The following PRKN variants were observed in gnomAD, a reference collection of about 807,000 sequenced individuals.
PRKN encodes parkin RBR E3 ubiquitin protein ligase.
Under a neutral mutation model 59.5 loss-of-function variants are expected in PRKN, and 56 were observed. That is an observed-to-expected ratio of 0.94 (90% CI 0.76 to 1.18). PRKN has a LOEUF of 1.18. Ranked by LOEUF, PRKN falls within the 50% of genes most tolerant of loss-of-function variation. The probability of loss-of-function intolerance (pLI) is 0.00; values close to 1 mark genes in which losing one functional copy is unlikely to be tolerated. For missense variants in PRKN, 657 were observed against 596.4 expected (o/e 1.10, Z -1.06); for synonymous variants, 250 against 222.1 (o/e 1.13, Z -1.12).
chr6:162,626,829 A>AC (rs1484719980), intron 1 of PRKN, among the ~76,000 whole-genome samples: 2,175 of 151,698 alleles, frequency 0.014, 57 homozygotes, highest in African/African-American at 0.05. Flanking sequence ...AAAAAAAAAA[A>AC]ATTTAACTGA....
In PRKN at chr6:161,548,874, C is replaced by A. The variant is rs1166764231; in HGVS notation, c.1063G>T (p.Gly355Cys). Reference sequence around the variant, plus strand: ...CTCACCCCACAGCCCAGGCCATTGCCCCCTTCGCAGGTGACTTTCCTCTGG... The same window carrying A: ...CTCACCCCACAGCCCAGGCCATTGCACCCTTCGCAGGTGACTTTCCTCTGG... Reference protein sequence around the residue: ...PDQRKVTCEGGNGLGCGFAFC... With the variant: ...PDQRKVTCEGCNGLGCGFAFC... Residue 355 changes from glycine (G) to cysteine (C), a missense_variant, in exon 9 of 12, where the codon GGC becomes TGC. Physicochemically the swap from Gly to Cys is radical, Grantham distance 159. Transcript: ENST00000366898. This position sits in a 1 kb window ranked among gnomAD's most constrained non-coding sequence, Gnocchi z 4.2. 1 of 1,614,170 alleles carries A rather than the reference C, an allele frequency of 6.2e-7. No individual in the cohort carries two copies. The highest frequency in any genetic ancestry group is 2.2e-5 in the East Asian group (1 of 44,868).
Position 161,480,824 on chromosome 6 carries a change from C to T in PRKN, c.1083+68030G>A, listed in dbSNP as rs1262978399. 6.6e-6 allele frequency among the ~76,000 whole-genome samples: 1 copy of T among 152,212 alleles called. No individual in the cohort carries two copies. The highest frequency in any genetic ancestry group is 6.5e-5 in the Admixed American group (1 of 15,288). ...AGTATCAATAAAGAAAAGCAGGCAC[C>T]GCTTTTAATTTCATTGCTATAACTA... On this transcript the variant is annotated intron_variant, in intron 9 of 11. Transcript: ENST00000366898. This position sits in a 1 kb window ranked among gnomAD's most constrained non-coding sequence, Gnocchi z 4.1.
chr6:162,186,468 T>C (rs1562566827), intron 4 of PRKN, among the ~76,000 whole-genome samples: 1 of 151,162 alleles, frequency 6.6e-6, no homozygotes, highest in Non-Finnish European at 1.5e-5. Flanking sequence ...GGTGAGATAA[T>C]GTTTGAAGGT....
intron 2 of PRKN, among the ~76,000 whole-genome samples, chr6:162,360,332 C>T (rs759557860): frequency 3.9e-5 from 6 of 152,050 alleles, no homozygotes; most frequent in Non-Finnish European, 8.8e-5. Context: ...TTCTGTGAAT[C>T]GTTTACTTGG....
chr6:162,468,813 T>C (rs1043353361), intron 1 of PRKN, among the ~76,000 whole-genome samples: 3 of 152,210 alleles, frequency 2.0e-5, no homozygotes, highest in African/African-American at 7.2e-5. Flanking sequence ...CCCTGTACCA[T>C]TGACATTATT....
intron 9 of PRKN, among the ~76,000 whole-genome samples, chr6:161,450,308 G>A (rs923379916): frequency 2.6e-5 from 4 of 152,100 alleles, no homozygotes; most frequent in Non-Finnish European, 4.4e-5. Context: ...GTCTTCCTAC[G>A]CCTCCCTGAC....
At chr6:162,419,466 A>G (rs942959696) in intron 2 of PRKN, among the ~76,000 whole-genome samples, 1 of 152,172 alleles carries the variant, frequency 6.6e-6, no homozygotes, top group Non-Finnish European at 1.5e-5. Flanking sequence ...TAAATGTACA[A>G]GAATAAGACA....
At chr6:161,969,841 T>C (rs1780733703) in intron 6 of PRKN, among the ~76,000 whole-genome samples, 1 of 152,188 alleles carries the variant, frequency 6.6e-6, no homozygotes, top group African/African-American at 2.4e-5. Context: ...TTACCCTTTT[T>C]CTTTTCCTTT....
intron 6 of PRKN, among the ~76,000 whole-genome samples, chr6:161,895,520 C>CTCTTTTT (rs1416297387): frequency 2.2e-3 from 284 of 127,484 alleles, no homozygotes; most frequent in South Asian, 5.6e-3. Context: ...TGCCGTTATG[C>CTCTTTTT]CCCCCAGTGA....
At chr6:162,580,558 G>C (rs117795802) in intron 1 of PRKN, among the ~76,000 whole-genome samples, 2 of 135,934 alleles carry the variant, frequency 1.5e-5, no homozygotes, top group African/African-American at 6.3e-5. Context: ...GGATAACAAT[G>C]GCAAACAGAG....
chr6:162,568,966 A>G, intron 1 of PRKN: 1 of 670,034 alleles, frequency 1.5e-6, no homozygotes, highest in Non-Finnish European at 2.7e-6. Context: ...GGGCTGGCTG[A>G]CGAGATCAAT....
intron 1 of PRKN, among the ~76,000 whole-genome samples, chr6:162,558,327 C>CCTTT (rs1779694384): frequency 1.5e-5 from 2 of 132,724 alleles, no homozygotes; most frequent in Admixed American, 8.1e-5. Flanking sequence ...TTAATTTTCC[C>CCTTT]TTTTTTTTTT....
At position 161,377,822 on chromosome 6, in the gene PRKN, G is replaced by A. The variant is rs905206586; in HGVS notation, c.1167+8972C>T. Among the ~76,000 whole-genome samples the A allele has an allele frequency of 5.3e-5, 8 of 152,112 alleles. No homozygotes were observed. The highest frequency in any genetic ancestry group is 2.6e-4 in the Admixed American group (4 of 15,276). On this transcript the variant is annotated intron_variant, in intron 10 of 11. Transcript: ENST00000366898. The surrounding 1 kb of genome is among the most constrained non-coding windows in gnomAD (Gnocchi z 4.2). ...CCATGTGAGGGTATAGCTAGAAGACGTCATCTACAAACCAAAAAGTGGTCC... is the reference window on the plus strand; with the variant it reads ...CCATGTGAGGGTATAGCTAGAAGACATCATCTACAAACCAAAAAGTGGTCC...
chr6:162,252,437 T>C (rs1167185551), intron 3 of PRKN, among the ~76,000 whole-genome samples: 4 of 152,344 alleles, frequency 2.6e-5, no homozygotes, highest in East Asian at 1.9e-4. Context: ...GCTTCAGGAA[T>C]GCAAACTTCT....
At chr6:162,455,619 T>C (rs190744172) in intron 1 of PRKN, among the ~76,000 whole-genome samples, 1 of 152,296 alleles carries the variant, frequency 6.6e-6, no homozygotes, top group Admixed American at 6.5e-5. Context: ...GCTTGACAGA[T>C]ATAAGATGGC....
chr6:162,473,911 T>C (rs1368902403), intron 1 of PRKN, among the ~76,000 whole-genome samples: 2 of 152,176 alleles, frequency 1.3e-5, no homozygotes, highest in Admixed American at 6.5e-5. Context: ...TAATTATAGA[T>C]GTAGGTTAGC....
At chr6:161,984,965 A>G (rs1016574247) in intron 5 of PRKN, among the ~76,000 whole-genome samples, 1 of 152,098 alleles carries the variant, frequency 6.6e-6, no homozygotes, top group African/African-American at 2.4e-5. Flanking sequence ...GGGAAACTGG[A>G]TCGGGATTAC....
intron 1 of PRKN, among the ~76,000 whole-genome samples, chr6:162,556,308 C>T (rs752661569): frequency 3.4e-5 from 5 of 145,018 alleles, no homozygotes; most frequent in Admixed American, 7.1e-5. Context: ...CAACTGAAGG[C>T]GGGCAGAAGA....
At chr6:161,900,778 T>TTATA (rs61013973) in intron 6 of PRKN, among the ~76,000 whole-genome samples, 10 of 120,318 alleles carry the variant, frequency 8.3e-5, no homozygotes, top group Non-Finnish European at 1.4e-4. Context: ...ACATACATAA[T>TTATA]TATATATAAA....
Sources: gnomAD v4.1 joint callset for allele counts (sites outside exome capture counted in the v4.1 genomes callset) on GRCh38, gnomAD v4.1.1 for gene constraint, Gnocchi (gnomAD v3.1) non-coding constraint, MANE v1.5 for transcripts, NCBI Gene and HGNC (gene_info 2026-07-23, HGNC 2026-07-21) for gene names.